CFAP61: variants seen among roughly 807,000 people sequenced by gnomAD.
CFAP61 encodes the protein cilia- and flagella-associated protein 61.
CFAP61 carries 107 observed loss-of-function variants against 135.6 expected under a neutral mutation model. The ratio of observed to expected loss-of-function variants is 0.79; its 90% CI spans 0.67 to 0.93. CFAP61 has a LOEUF of 0.93. Among genes scored for constraint, CFAP61 ranks in the 40% least tolerant of loss-of-function variants. The pLI is 0.00. For synonymous variants in CFAP61, 575 were observed against 578.5 expected (o/e 0.99, Z 0.09); for missense variants, 1,507 against 1,556.2 (o/e 0.97, Z 0.53).
chr20:20,276,287 AGT>A (rs1342386424), intron 21 of CFAP61, among the ~76,000 whole-genome samples: 7 of 152,226 alleles, frequency 4.6e-5, no homozygotes, highest in African/African-American at 1.4e-4. Flanking sequence ...CATTCAATGA[AGT>A]GTACATTTTG....
In CFAP61 at chr20:20,052,700, TGGCTCTGTCGAG is replaced by T. The variant is rs770406393; in HGVS notation, c.-37+110_-37+121del. ...ACTGGGATGACCAGGCGAGGACGAG[TGGCTCTGTCGAG>T]CCGTGGCGCCCTGCAAGGGAGTAAG... On this transcript the variant is annotated intron_variant, in intron 1 of 26. Transcript: ENST00000245957. The T allele has an allele frequency of 1.9e-5, 30 of 1,611,832 alleles. No homozygotes were observed. In the East Asian group the frequency reaches 6.7e-4, roughly 36 times the overall value.
chr20:20,234,447 A>C (rs2049415349), intron 18 of CFAP61, among the ~76,000 whole-genome samples: 1 of 152,178 alleles, frequency 6.6e-6, no homozygotes, highest in Non-Finnish European at 1.5e-5. Context: ...GATGGAGAAG[A>C]AGCAAGGGTT....
intron 8 of CFAP61, among the ~76,000 whole-genome samples, chr20:20,129,449 G>C (rs2050334158): frequency 6.6e-6 from 1 of 151,706 alleles, no homozygotes; most frequent in African/African-American, 2.4e-5. Context: ...ATGAATTGGA[G>C]CTCTGTACTT....
At chr20:20,231,014 T>G (rs1452417984) in intron 18 of CFAP61, among the ~76,000 whole-genome samples, 4 of 152,184 alleles carry the variant, frequency 2.6e-5, no homozygotes, top group African/African-American at 9.7e-5. Flanking sequence ...CTTGTATTAT[T>G]TCCATGCAAG....
At chr20:20,094,628 C>G (rs1185545206) in intron 7 of CFAP61, 1 of 152,234 alleles carries the variant, frequency 6.6e-6, no homozygotes, top group African/African-American at 2.4e-5. Context: ...CTGAAAACTG[C>G]AGTTCCAACC....
intron 17 of CFAP61, chr20:20,200,581 C>A: frequency 2.5e-6 from 1 of 395,456 alleles, no homozygotes; most frequent in Non-Finnish European, 3.4e-6. Context: ...ATAATTTTCT[C>A]ATGTTGACTG....
intron 8 of CFAP61, among the ~76,000 whole-genome samples, chr20:20,124,152 G>A (rs911246801): frequency 4.0e-5 from 6 of 151,380 alleles, no homozygotes; most frequent in African/African-American, 1.5e-4. Context: ...AGTCTTTAGG[G>A]TTTTCGAGGT....
chr20:20,121,103 CTTTTTT>C lies in CFAP61; in HGVS notation c.860-21738_860-21733del, dbSNP rs869290856. On this transcript the variant is annotated intron_variant, in intron 8 of 26. Transcript: ENST00000245957. ...ATTTGCTCTATGTCTTTTATTTTTA[CTTTTTT>C]TTTTTTTTTTTTTTTGAGACAGGGT... Among the ~76,000 whole-genome samples, 6 of 113,572 alleles carry C rather than the reference CTTTTTT, an allele frequency of 5.3e-5. No individual in the cohort carries two copies. The East Asian group carries it at 1.5e-3, about 28-fold the overall frequency. 74.5% of individuals were successfully genotyped at this position (113,572 alleles called of 152,430 possible).
At chr20:20,352,083 G>A (rs746152310) in intron 26 of CFAP61, among the ~76,000 whole-genome samples, 1 of 152,142 alleles carries the variant, frequency 6.6e-6, no homozygotes, top group Non-Finnish European at 1.5e-5. Context: ...ATTTACGAAG[G>A]AAAGAGGTTT....
intron 25 of CFAP61, among the ~76,000 whole-genome samples, chr20:20,305,397 C>T (rs983355609): frequency 2.6e-5 from 4 of 152,188 alleles, no homozygotes; most frequent in African/African-American, 4.8e-5. Flanking sequence ...TGTTTTTCTG[C>T]GCCTCTGTAG....
chr20:20,257,230 A>G (rs2051684664), intron 20 of CFAP61, among the ~76,000 whole-genome samples: 2 of 152,228 alleles, frequency 1.3e-5, no homozygotes, highest in African/African-American at 4.8e-5. Context: ...AATAGCAGGT[A>G]GCCATTCTTT....
intron 8 of CFAP61, among the ~76,000 whole-genome samples, chr20:20,099,428 AC>A (rs1320476792): frequency 1.3e-5 from 2 of 152,230 alleles, no homozygotes; most frequent in African/African-American, 4.8e-5. Context: ...GTGAGGTCTT[AC>A]TGTATCCATG....
In CFAP61 at chr20:20,164,051, AC is replaced by A. The variant is rs765473646; in HGVS notation, c.1029del (p.Asp343GlufsTer2). The A allele has an allele frequency of 7.5e-6, 12 of 1,606,340 alleles. No homozygotes were observed. The highest frequency in any genetic ancestry group is 1.0e-5 in the Non-Finnish European group (12 of 1,175,766). On this transcript the variant is annotated frameshift_variant and splice_region_variant, in exon 11 of 27. Coordinates refer to ENST00000245957, the MANE Select transcript of CFAP61 (RefSeq NM_015585.4). LOFTEE classifies it high-confidence loss of function. ...VQSGNVSEPE[D>X]IEKLSDISTG... Reference sequence around the variant, plus strand: ...GCTCCTCCTGTCTCCTTGCTCTAGGACATAGAAAAACTCAGTGACATCTCCA... The same window carrying A: ...GCTCCTCCTGTCTCCTTGCTCTAGGAATAGAAAAACTCAGTGACATCTCCA...
intron 13 of CFAP61, among the ~76,000 whole-genome samples, chr20:20,176,886 T>G: frequency 6.6e-6 from 1 of 152,216 alleles, no homozygotes; most frequent in East Asian, 1.9e-4. Context: ...AATTAATTTT[T>G]TAAAAAGAAC....
intron 8 of CFAP61, among the ~76,000 whole-genome samples, chr20:20,113,892 T>C (rs2048959452): frequency 6.6e-6 from 1 of 151,236 alleles, no homozygotes; most frequent in African/African-American, 2.4e-5. Context: ...GCAGAGTAAG[T>C]CTTTCCACCT....
chr20:20,335,856 T>C (rs1191280850), intron 25 of CFAP61, among the ~76,000 whole-genome samples: 1 of 152,180 alleles, frequency 6.6e-6, no homozygotes, highest in African/African-American at 2.4e-5. Context: ...GGAAAAAGCA[T>C]AAGGAAATAA....
At chr20:20,155,363 TAGGCAA>T (rs2052806976) in intron 9 of CFAP61, among the ~76,000 whole-genome samples, 1 of 151,952 alleles carries the variant, frequency 6.6e-6, no homozygotes, top group Non-Finnish European at 1.5e-5. Context: ...GACATTGGCT[TAGGCAA>T]AGACCAAGAA....
At chr20:20,319,050 C>G (rs2057296623) in intron 25 of CFAP61, among the ~76,000 whole-genome samples, 1 of 152,202 alleles carries the variant, frequency 6.6e-6, no homozygotes, top group South Asian at 2.1e-4. Context: ...ACCCTTGTCT[C>G]CGCCTCCCAT....
intron 9 of CFAP61, among the ~76,000 whole-genome samples, chr20:20,143,616 T>C (rs571189511): frequency 6.6e-6 from 1 of 152,346 alleles, no homozygotes; most frequent in Admixed American, 6.5e-5. Flanking sequence ...AGGCCAGCGA[T>C]GCCTGGGAGA....
Sources: gnomAD v4.1 joint callset for allele counts (sites outside exome capture counted in the v4.1 genomes callset) on GRCh38, gnomAD v4.1.1 for gene constraint, MANE v1.5 for transcripts, NCBI Gene and HGNC (gene_info 2026-07-23, HGNC 2026-07-21) for gene names.